Variants in GABRA6 observed in about 807,000 individuals in gnomAD.
GABRA6 encodes gamma-aminobutyric acid type A receptor subunit alpha6.
Under a neutral mutation model 47.3 loss-of-function variants are expected in GABRA6, and 45 were observed. That is an observed-to-expected ratio of 0.95 (90% CI 0.75 to 1.22). GABRA6 has a LOEUF of 1.22. Among genes scored for constraint, GABRA6 ranks in the 50% most tolerant of loss-of-function variants. The pLI is 0.00. For synonymous variants in GABRA6, 219 were observed against 194.7 expected (o/e 1.12, Z -1.04); for missense variants, 583 against 549.3 (o/e 1.06, Z -0.61).
At chr5:161,690,069 T>C (rs967246485) in intron 6 of GABRA6, 132 bp from the exon 7 acceptor site, 1 of 855,334 alleles carries the variant, frequency 1.2e-6, no homozygotes, top group Non-Finnish European at 1.9e-6. Flanking sequence ...AGCTTTCTCA[T>C]ATACTGAAAT....
At position 161,691,949 on chromosome 5, in the gene GABRA6, A is replaced by G. The variant is rs764949177; in HGVS notation, c.835A>G (p.Thr279Ala). 1.2e-6 allele frequency: 2 copies of G among 1,613,630 alleles called. No individual in the cohort carries two copies. Among genetic ancestry groups the G allele is most frequent in the East Asian group, 2.2e-5 (1 of 44,868 alleles). Residue 279 changes from threonine to alanine, a missense_variant, in exon 8 of 9, where the codon ACT becomes GCT. Physicochemically the swap from Thr to Ala is moderately conservative, Grantham distance 58. Transcript: ENST00000274545. ...VPARTVFGIT[T>A]VLTMTTLSIS... is the part of the protein sequence containing the mutation. ...ATTCTTTTTTATTTTAGGGATCACC[A>G]CTGTTTTAACTATGACCACTTTGAG...
In GABRA6 at chr5:161,686,245, A is replaced by T; in HGVS notation, c.54A>T (p.Leu18=). 6.2e-7 allele frequency: 1 copy of T among 1,613,492 alleles called. No homozygotes were observed. Among genetic ancestry groups the T allele is most frequent in the Non-Finnish European group, 8.5e-7 (1 of 1,179,426 alleles). The change falls in exon 2 of 9, where the codon CTA becomes CTT. Residue 18 remains leucine (L), a synonymous_variant. Coordinates refer to ENST00000274545, the MANE Select transcript of GABRA6 (RefSeq NM_000811.3). ...CTACACACAGGCTAGAAAATGCCCT[A>T]GGGAAACTCGAAGTTGAAGGCAACT... The part of the protein sequence containing the change: ...LCIILWLENA[L]GKLEVEGNFY...
chr5:161,698,572 A>G (rs1754922245), intron 8 of GABRA6, among the ~76,000 whole-genome samples: 2 of 152,154 alleles, frequency 1.3e-5, no homozygotes, highest in Non-Finnish European at 2.9e-5. Context: ...ATGTTTGTGT[A>G]TATATCTTTA....
At position 161,696,563 on chromosome 5, in the gene GABRA6, T is replaced by C. The variant is rs1399221237; in HGVS notation, c.1086+4363T>C. Among the ~76,000 whole-genome samples, 3 of 152,224 alleles carry C rather than the reference T, an allele frequency of 2.0e-5. No homozygotes were observed. In the East Asian group the frequency reaches 5.8e-4, roughly 29 times the overall value. On this transcript the variant is annotated intron_variant, in intron 8 of 8. Transcript: ENST00000274545. ...GGATTAGACGAGGGTTGTAGGTGGTTAGCCCCTTCCCCATACCTTCTATCA... is the reference window on the plus strand; with the variant it reads ...GGATTAGACGAGGGTTGTAGGTGGTCAGCCCCTTCCCCATACCTTCTATCA...
At chr5:161,689,428 A>C (rs954713015) in intron 5 of GABRA6, 92 bp downstream of exon 5, 4 of 1,187,590 alleles carry the variant, frequency 3.4e-6, no homozygotes, top group African/African-American at 1.5e-5. Flanking sequence ...AGGAAGAAAT[A>C]GAATCATGAC....
chr5:161,686,081 G>T, intron 1 of GABRA6, 54 bp downstream of exon 1: 1 of 1,546,202 alleles, frequency 6.5e-7, no homozygotes, highest in Non-Finnish European at 8.9e-7. Context: ...GAAAGGAAAA[G>T]TATACATCCA....
intron 8 of GABRA6, among the ~76,000 whole-genome samples, chr5:161,698,248 A>G (rs768386070): frequency 9.2e-5 from 14 of 152,188 alleles, no homozygotes; most frequent in Non-Finnish European, 1.9e-4. Flanking sequence ...ATAAGCCACA[A>G]CAAAAATAAT....
intron 7 of GABRA6, among the ~76,000 whole-genome samples, chr5:161,691,626 T>TA (rs1754793397): frequency 6.6e-6 from 1 of 151,980 alleles, no homozygotes; most frequent in Admixed American, 6.6e-5. Context: ...TAAGTGGTAA[T>TA]AATTTGTTAC....
chr5:161,686,372 A>G, intron 2 of GABRA6, 24 bp downstream of exon 2: 1 of 1,529,146 alleles, frequency 6.5e-7, no homozygotes, highest in Non-Finnish European at 9.1e-7. Context: ...TCTTTGCTAC[A>G]CAAACACCTG....
rs373363000 is a variant in GABRA6, at chr5:161,686,327, C to A, written c.136C>A (p.Arg46=). Residue 46 remains arginine, a synonymous_variant, in exon 2 of 9, where the codon CGG becomes AGG. Transcript: ENST00000274545. ...CAACTTGCTTGAAGGCTATGACAAT[C>A]GGCTGCGGCCGGGATTTGGAGGTAA... is the stretch of plus-strand genomic sequence containing the variant. ...LDNLLEGYDN[R]LRPGFGGAVT... 8.1e-6 allele frequency: 13 copies of A among 1,613,492 alleles called. No homozygotes were observed. The African/African-American group carries it at 1.6e-4, about 20-fold the overall frequency.
chr5:161,692,675 C>A (rs926434176), intron 8 of GABRA6, among the ~76,000 whole-genome samples: 6 of 152,128 alleles, frequency 3.9e-5, no homozygotes, highest in African/African-American at 1.4e-4. Context: ...ATAATAGATT[C>A]TCTGAATGTT....
chr5:161,698,631 T>C (rs1262798052), intron 8 of GABRA6, among the ~76,000 whole-genome samples: 2 of 152,028 alleles, frequency 1.3e-5, no homozygotes, highest in African/African-American at 4.8e-5. Flanking sequence ...AAAAGTTACT[T>C]GTTAAGTAAT....
In GABRA6 at chr5:161,701,890, A is replaced by T. The variant is rs1413203256; in HGVS notation, c.*117A>T. On this transcript the variant is annotated 3_prime_UTR_variant, in exon 9 of 9. Coordinates refer to ENST00000274545, the MANE Select transcript of GABRA6 (RefSeq NM_000811.3). ...TCTCAGAACATGAAATCAAATTGGA[A>T]ATCTGTAACGCAGCTTCCGTAAGCA... 2 of 1,132,256 alleles carry T rather than the reference A, an allele frequency of 1.8e-6. No individual in the cohort carries two copies. Among genetic ancestry groups the T allele is most frequent in the African/African-American group, 3.1e-5 (2 of 65,190 alleles). The allele number at this position is 1,132,256 out of a possible 1,614,324, so 70.1% of individuals were successfully genotyped here. A position where few individuals can be genotyped will look rare whatever the true frequency, so the allele number is the denominator to read the frequency against.
At chr5:161,696,547 G>A (rs1038464255) in intron 8 of GABRA6, among the ~76,000 whole-genome samples, 4 of 152,084 alleles carry the variant, frequency 2.6e-5, no homozygotes, top group Non-Finnish European at 5.9e-5. Flanking sequence ...TGGATTAGAC[G>A]AGGGTTGTAG....
chr5:161,685,871 A>G lies in GABRA6; in HGVS notation c.-119A>G. ...TCTATTGGATTACTGACTTGAGGCA[A>G]ACAAGGAACAGAGATATGAAGGGTT... On this transcript the variant is annotated 5_prime_UTR_variant, in exon 1 of 9. Transcript: ENST00000274545. The G allele has an allele frequency of 1.1e-6, 1 of 880,430 alleles. No homozygotes were observed. The highest frequency in any genetic ancestry group is 1.9e-6 in the Non-Finnish European group (1 of 514,698). The allele number at this position is 880,430 out of a possible 1,614,324, so 54.5% of individuals were successfully genotyped here. A position where few individuals can be genotyped will look rare whatever the true frequency, so the allele number is the denominator to read the frequency against.
intron 1 of GABRA6, 91 bp from the exon 2 acceptor site, chr5:161,686,139 G>A: frequency 1.5e-6 from 2 of 1,353,796 alleles, no homozygotes; most frequent in South Asian, 1.2e-5. Flanking sequence ...AAGTGGTGTT[G>A]CATGTATTTG....
intron 8 of GABRA6, among the ~76,000 whole-genome samples, chr5:161,692,615 A>G (rs148842630): frequency 8.8e-4 from 134 of 152,318 alleles, no homozygotes; most frequent in African/African-American, 3.2e-3. Context: ...TTTTGTTATA[A>G]ATCTGCTTGC....
chr5:161,701,505 A>C lies in GABRA6; in HGVS notation c.1094A>C (p.Asp365Ala), dbSNP rs371806011. The change falls in exon 9 of 9, where the codon GAC becomes GCC. Residue 365 changes from aspartate to alanine, a missense_variant. Asp to Ala is a moderately radical substitution (Grantham distance 126). Coordinates refer to ENST00000274545, the MANE Select transcript of GABRA6 (RefSeq NM_000811.3). ...TTTGTCTTTTTTCCACAGCATCCTG[A>C]CTCCAAATATCATCTGAAGAAAAGG... ...PLEAEIVLHPDSKYHLKKRIT... is the reference protein window; with the variant it reads ...PLEAEIVLHPASKYHLKKRIT... 1.6e-5 allele frequency: 26 copies of C among 1,614,038 alleles called. 1 individual carries two copies. In the African/African-American group the frequency reaches 2.7e-4, roughly 17 times the overall value.
chr5:161,699,758 C>T lies in GABRA6; in HGVS notation c.1087-1740C>T, dbSNP rs112903005. ...TACAAGCATCAGCCACCATGCACAG[C>T]CCATCTATTTTTAATAGAAAGTTTC... On this transcript the variant is annotated intron_variant, in intron 8 of 8. Coordinates refer to ENST00000274545, the MANE Select transcript of GABRA6 (RefSeq NM_000811.3). Among the ~76,000 whole-genome samples, 38 of 152,104 alleles carry T rather than the reference C, an allele frequency of 2.5e-4. 1 individual carries two copies. The highest frequency in any genetic ancestry group is 9.2e-4 in the African/African-American group (38 of 41,494).
Sources: allele counts gnomAD v4.1 joint callset (sites outside exome capture counted in the v4.1 genomes callset), GRCh38; gene constraint gnomAD v4.1.1; transcripts MANE v1.5; gene names NCBI Gene and HGNC (gene_info 2026-07-23, HGNC 2026-07-21).